Variants in TSPAN1 observed in about 807,000 individuals in gnomAD.
The protein encoded by TSPAN1 is tetraspanin-1.
A neutral mutation model predicts 26.9 loss-of-function variants in TSPAN1; 23 were observed. That is an observed-to-expected ratio of 0.85 (90% CI 0.62 to 1.21). TSPAN1 has a LOEUF of 1.21. TSPAN1 is among the 50% of genes most tolerant of loss of function. The probability of loss-of-function intolerance (pLI) is 0.00; values close to 1 mark genes in which losing one functional copy is unlikely to be tolerated. For missense variants in TSPAN1, 283 were observed against 298.4 expected (o/e 0.95, Z 0.38); for synonymous variants, 115 against 114.8 (o/e 1.00, Z -0.01).
At chr1:46,186,488 C>CTTTT (rs751253861), downstream of TSPAN1, among the ~76,000 whole-genome samples, 2 of 130,118 alleles carry the variant, frequency 1.5e-5, no homozygotes, top group Non-Finnish European at 3.3e-5. Context: ...CTTTTCTTTT[C>CTTTT]TTTTTTTTTT....
At chr1:46,191,578 T>C in the TSPAN1 span, 60 of 219,826 alleles carry the variant, frequency 2.7e-4, 2 homozygotes, top group Middle Eastern at 0.021. Context: ...CAAAGCACTT[T>C]ACATATATTG....
intron 3 of TSPAN1, among the ~76,000 whole-genome samples, chr1:46,182,140 G>C (rs1657326454): frequency 6.6e-6 from 1 of 151,350 alleles, no homozygotes; most frequent in African/African-American, 2.4e-5. Flanking sequence ...TTGTGGGAAG[G>C]GGTGTCCCAC....
Position 46,175,285 on chromosome 1 carries a change from G to C in TSPAN1, c.-266G>C, listed in dbSNP as rs1265748852. 3.5e-6 allele frequency: 1 copy of C among 285,028 alleles called. No individual in the cohort carries two copies. The highest frequency in any genetic ancestry group is 6.0e-5 in the East Asian group (1 of 16,762). 17.7% of individuals were successfully genotyped at this position (285,028 alleles called of 1,614,324 possible). ...CTGTGCAGTTAGGAGTGTAAGGCAAGAGAGCCCCTACTTCATGGGGCAGAT... is the reference window on the plus strand; with the variant it reads ...CTGTGCAGTTAGGAGTGTAAGGCAACAGAGCCCCTACTTCATGGGGCAGAT... On this transcript the variant is annotated 5_prime_UTR_variant, in exon 1 of 9. Coordinates refer to ENST00000372003, the MANE Select transcript of TSPAN1 (RefSeq NM_005727.4).
At chr1:46,188,432 G>A (rs1373350337), downstream of TSPAN1, among the ~76,000 whole-genome samples, 2 of 152,188 alleles carry the variant, frequency 1.3e-5, no homozygotes, top group Non-Finnish European at 2.9e-5. Flanking sequence ...GTGGTTAAAC[G>A]GTGGGGAAGA....
chr1:46,190,829 G>GC (rs1485992100), downstream of TSPAN1: 3 of 1,537,380 alleles, frequency 2.0e-6, no homozygotes, highest in Non-Finnish European at 2.7e-6. Flanking sequence ...ACATTGTCTG[G>GC]CCCACACCCA....
chr1:46,179,170 A>AC, intron 1 of TSPAN1, among the ~76,000 whole-genome samples: 1 of 151,782 alleles, frequency 6.6e-6, no homozygotes, highest in East Asian at 1.9e-4. Flanking sequence ...AAAAAAAAAA[A>AC]ATTTGCTTGA....
chr1:46,185,141 G>T, intron 7 of TSPAN1, 26 bp downstream of exon 7: 3 of 1,614,238 alleles, frequency 1.9e-6, no homozygotes, highest in South Asian at 1.1e-5. Flanking sequence ...AGTGGGTGGG[G>T]ACTGTTTTCA....
downstream of TSPAN1, chr1:46,190,080 G>A (rs1657638155): frequency 2.4e-6 from 3 of 1,238,654 alleles, no homozygotes; most frequent in Non-Finnish European, 2.3e-6. Context: ...ATGCTCTGCT[G>A]TTGCCACCTT....
At chr1:46,189,873 G>A, downstream of TSPAN1, 1 of 1,613,920 alleles carries the variant, frequency 6.2e-7, no homozygotes, top group East Asian at 2.2e-5. Flanking sequence ...CTGGGTCCAG[G>A]TGGTGAAGTC....
chr1:46,176,527 A>T, intron 1 of TSPAN1: 1 of 1,527,772 alleles, frequency 6.5e-7, no homozygotes, highest in South Asian at 1.2e-5. Flanking sequence ...AGGGTAGCTG[A>T]GGCCTCTATG....
At chr1:46,186,968 G>A (rs1012395121), downstream of TSPAN1, among the ~76,000 whole-genome samples, 1 of 151,864 alleles carries the variant, frequency 6.6e-6, no homozygotes, top group African/African-American at 2.4e-5. Context: ...GGCCACGCCC[G>A]GCTAACTTTT....
At chr1:46,189,273 T>C, downstream of TSPAN1, 1 of 1,613,294 alleles carries the variant, frequency 6.2e-7, no homozygotes, top group Middle Eastern at 1.7e-4. Context: ...GGAGGTCTCA[T>C]GTCTGTTCTG....
At chr1:46,183,646 G>C (rs537533079) in intron 3 of TSPAN1, 1 of 170,808 alleles carries the variant, frequency 5.9e-6, no homozygotes, top group East Asian at 1.4e-4. Context: ...GGGCGGGCCT[G>C]AAGTTGGATT....
chr1:46,193,587 C>T, the TSPAN1 span: 1 of 1,614,208 alleles, frequency 6.2e-7, no homozygotes, highest in Non-Finnish European at 8.5e-7. Context: ...TCAATGAAAA[C>T]TGTTATCATC....
chr1:46,178,373 CCTT>C (rs1248508455), intron 1 of TSPAN1, among the ~76,000 whole-genome samples: 1 of 149,978 alleles, frequency 6.7e-6, no homozygotes, highest in East Asian at 2.0e-4. Context: ...AAAAAATAGA[CCTT>C]CTCCTTCTCC....
At chr1:46,179,215 G>A (rs1199748518) in intron 1 of TSPAN1, among the ~76,000 whole-genome samples, 1 of 151,856 alleles carries the variant, frequency 6.6e-6, no homozygotes, top group Non-Finnish European at 1.5e-5. Context: ...AGCTACTTGG[G>A]AGGCTGAGGA....
At chr1:46,186,488 C>CTTTTTTTT (rs751253861), downstream of TSPAN1, among the ~76,000 whole-genome samples, 1 of 130,118 alleles carries the variant, frequency 7.7e-6, no homozygotes, top group Non-Finnish European at 1.7e-5. Context: ...CTTTTCTTTT[C>CTTTTTTTT]TTTTTTTTTT....
the TSPAN1 span, chr1:46,191,030 A>G: frequency 2.1e-6 from 1 of 477,424 alleles, no homozygotes; most frequent in South Asian, 1.9e-5. Context: ...TGCACCACAG[A>G]CCCATGAACT....
At chr1:46,187,481 A>T (rs1657459087), downstream of TSPAN1, among the ~76,000 whole-genome samples, 1 of 152,134 alleles carries the variant, frequency 6.6e-6, no homozygotes. Context: ...GGCAGCCCAG[A>T]ACCACCACCC....
Sources: gnomAD v4.1 joint callset for allele counts (sites outside exome capture counted in the v4.1 genomes callset) on GRCh38, gnomAD v4.1.1 for gene constraint, MANE v1.5 for transcripts, NCBI Gene and HGNC (gene_info 2026-07-23, HGNC 2026-07-21) for gene names.